Variants in MYO9B observed in about 807,000 individuals in gnomAD.
MYO9B encodes the protein myosin IXB, also known as unconventional myosin-IXb.
In MYO9B, 71 loss-of-function variants were observed where a neutral mutation model predicts 229.5. The ratio of observed to expected loss-of-function variants is 0.31; its 90% CI spans 0.26 to 0.38. The LOEUF (loss-of-function observed/expected upper bound fraction) is 0.38, where lower values mean the gene tolerates loss of function less well. MYO9B is among the 10% of genes least tolerant of loss of function. The pLI is 1.00. For missense variants in MYO9B, 2,255 were observed against 2,920.5 expected (o/e 0.77, Z 5.25); for synonymous variants, 1,185 against 1,235.8 (o/e 0.96, Z 0.86).
At chr19:17,188,092 G>A (rs1419472678) in intron 19 of MYO9B, 47 bp downstream of exon 19, 8 of 1,475,790 alleles carry the variant, frequency 5.4e-6, no homozygotes, top group Non-Finnish European at 7.4e-6. Flanking sequence ...CCGTGGCAAA[G>A]GCAATCACCC....
intron 2 of MYO9B, among the ~76,000 whole-genome samples, chr19:17,120,019 C>T (rs1312081340): frequency 6.6e-6 from 1 of 152,184 alleles, no homozygotes; most frequent in Non-Finnish European, 1.5e-5. Flanking sequence ...CAAAAATTAG[C>T]CAGGCGTGCT....
rs1318060849 is a variant in MYO9B at position 17,102,224 on chromosome 19, C to T, written c.507C>T (p.Arg169=). 1.9e-6 allele frequency: 3 copies of T among 1,582,446 alleles called. No individual in the cohort carries two copies. The highest frequency in any genetic ancestry group is 1.8e-5 in the Admixed American group (1 of 56,932). Residue 169 remains arginine (R), a synonymous_variant, in exon 2 of 40, where the codon CGC becomes CGT. Coordinates refer to ENST00000682292, the MANE Select transcript of MYO9B (RefSeq NM_004145.4). ...ACCTCCTGAAGAACCTCAAGCACCG[C>T]TTCCTGCAACAAAAGATCTACACGT... ...EGNLLKNLKH[R]FLQQKIYTYA... is the part of the protein sequence containing the mutation.
Position 17,197,856 on chromosome 19 carries a change from C to T in MYO9B, c.4111C>T (p.Gln1371Ter). The T allele has an allele frequency of 1.2e-6, 2 of 1,613,128 alleles. No individual in the cohort carries two copies. The highest frequency in any genetic ancestry group is 1.7e-6 in the Non-Finnish European group (2 of 1,179,868). The change falls in exon 23 of 40, where the codon CAG becomes TAG. Residue 1371 changes from glutamine to a stop codon, truncating the protein, a stop_gained and splice_region_variant. Transcript: ENST00000682292. LOFTEE classifies it high-confidence loss of function. ...GCTCCTCCCGTCCCTGGCCAAGGCT[C>T]AGGTAACAACAACACGGCAAAACCC... ...SKLLPSLAKA[Q>*]PAAETTDGER...
chr19:17,156,214 G>A (rs552900699), intron 6 of MYO9B, among the ~76,000 whole-genome samples: 1 of 152,066 alleles, frequency 6.6e-6, no homozygotes, highest in Non-Finnish European at 1.5e-5. Context: ...TGGTCTGGGG[G>A]CTAGTCAGAG....
intron 1 of MYO9B, among the ~76,000 whole-genome samples, chr19:17,096,792 GC>G (rs2057696965): frequency 1.4e-5 from 2 of 145,502 alleles, no homozygotes; most frequent in Non-Finnish European, 3.0e-5. Flanking sequence ...TGCAAGCTCC[GC>G]CTTCCGGGTT....
In MYO9B at chr19:17,211,940, G is replaced by GGCCCCCCCCC; in HGVS notation, c.6104_6105insGCCCCCCCCC (p.Ser2035ArgfsTer168). 1 of 1,183,084 alleles carries GGCCCCCCCCC rather than the reference G, an allele frequency of 8.5e-7. No homozygotes were observed. Among genetic ancestry groups the GGCCCCCCCCC allele is most frequent in the Non-Finnish European group, 1.1e-6 (1 of 884,834 alleles). The allele number at this position is 1,183,084 out of a possible 1,614,324, so 73.3% of individuals were successfully genotyped here. ...CCTTGCCCCGGCGCGCCCACCCCGA[G>GGCCCCCCCCC]CCCCCTCCCCACCGTGGCCGCCCCT... On this transcript the variant is annotated frameshift_variant, in exon 40 of 40. Transcript: ENST00000682292. LOFTEE classifies it low-confidence loss of function (END_TRUNC).
At chr19:17,083,026 C>CTT (rs71334657) in intron 1 of MYO9B, among the ~76,000 whole-genome samples, 2,851 of 90,722 alleles carry the variant, frequency 0.031, 183 homozygotes, top group African/African-American at 0.058. Flanking sequence ...GTGAATCTTG[C>CTT]TTTTTTTTTT....
intron 30 of MYO9B, 30 bp downstream of exon 30, chr19:17,203,288 C>T (rs1318692528): frequency 3.4e-6 from 5 of 1,486,142 alleles, no homozygotes; most frequent in African/African-American, 2.8e-5. Context: ...GGCCCCAAAA[C>T]CCTCCATGTC....
At chr19:17,116,844 CA>C (rs1368975924) in intron 2 of MYO9B, among the ~76,000 whole-genome samples, 1 of 152,116 alleles carries the variant, frequency 6.6e-6, no homozygotes. Flanking sequence ...AGGGGCACCC[CA>C]CCGCCACCCC....
rs778650957 is a variant in MYO9B at position 17,197,815 on chromosome 19, C to T, written c.4070C>T (p.Thr1357Met). 49 of 1,613,644 alleles carry T rather than the reference C, an allele frequency of 3.0e-5. No homozygotes were observed. The highest frequency in any genetic ancestry group is 1.2e-4 in the Admixed American group (7 of 59,980). ...PTEERRTSFS[T>M]SDVSKLLPSL... The stretch of plus-strand genomic sequence containing the variant: ...AGGGAGAGGCGCACCTCCTTCTCCA[C>T]GAGCGACGTCTCCAAGCTCCTCCCG... Residue 1357 changes from threonine (T) to methionine (M), a missense_variant, in exon 23 of 40, where the codon ACG becomes ATG. Physicochemically the swap from Thr to Met is moderately conservative, Grantham distance 81. Around this residue, in one of 7 missense-constraint regions of MYO9B, gnomAD observed 679 missense variants for 770.2 expected, o/e 0.88. Coordinates refer to ENST00000682292, the MANE Select transcript of MYO9B (RefSeq NM_004145.4).
In MYO9B at chr19:17,207,208, C is replaced by A; in HGVS notation, c.5588C>A (p.Pro1863Gln). 1 of 1,601,122 alleles carries A rather than the reference C, an allele frequency of 6.2e-7. No individual in the cohort carries two copies. The highest frequency in any genetic ancestry group is 8.5e-7 in the Non-Finnish European group (1 of 1,175,026). The stretch of plus-strand genomic sequence containing the variant: ...CTGCGCTGCCCTGACAACTCGGACC[C>A]GCTGACCAGCATGAAGGACGTCCTC... ...CLLRCPDNSD[P>Q]LTSMKDVLKI... Residue 1863 changes from proline to glutamine, a missense_variant, in exon 35 of 40, where the codon CCG becomes CAG. Pro to Gln is a moderately conservative substitution (Grantham distance 76). This residue lies in a region of MYO9B where 416 missense variants were observed against 605.5 expected (regional missense o/e 0.69). Transcript: ENST00000682292.
At chr19:17,198,344 G>C (rs767423788) in intron 24 of MYO9B, 36 bp downstream of exon 24, 2 of 1,610,238 alleles carry the variant, frequency 1.2e-6, no homozygotes, top group South Asian at 2.2e-5. Context: ...CAGGCCACCA[G>C]AGGATGCCCG....
intron 9 of MYO9B, 82 bp downstream of exon 9, chr19:17,162,548 A>C: frequency 8.2e-7 from 1 of 1,220,714 alleles, no homozygotes; most frequent in East Asian, 2.5e-5. Flanking sequence ...GGCGACCTGG[A>C]ACATCCGGAG....
chr19:17,206,226 ACC>A lies in MYO9B; in HGVS notation c.5258-20_5258-19del. 1.1e-5 allele frequency: 7 copies of A among 654,252 alleles called. No homozygotes were observed. The highest frequency in any genetic ancestry group is 1.5e-5 in the South Asian group (1 of 67,092). 40.5% of individuals were successfully genotyped at this position (654,252 alleles called of 1,614,324 possible). ...GTCCTGCCAGTGCGCCGCTCACCAG[ACC>A]CACCCCACCCACCCCACAGACCCCG... is the stretch of plus-strand genomic sequence containing the variant. On this transcript the variant is annotated intron_variant, in intron 32 of 39. Transcript: ENST00000682292.
chr19:17,191,323 C>A, intron 20 of MYO9B, 104 bp downstream of exon 20: 2 of 1,360,672 alleles, frequency 1.5e-6, no homozygotes, highest in Non-Finnish European at 2.0e-6. Flanking sequence ...ACATACAGGG[C>A]TCTGTCTAGG....
intron 6 of MYO9B, 47 bp downstream of exon 6, chr19:17,154,462 G>A (rs1456158497): frequency 6.9e-7 from 1 of 1,445,156 alleles, no homozygotes; most frequent in Non-Finnish European, 9.6e-7. Context: ...CCTACAGGGG[G>A]CACGCATGGC....
At chr19:17,173,292 CT>C (rs748043333) in intron 13 of MYO9B, among the ~76,000 whole-genome samples, 40 of 83,800 alleles carry the variant, frequency 4.8e-4, no homozygotes, top group South Asian at 1.9e-3. Context: ...CTGTCTTGCT[CT>C]TTTTTTTTTT....
chr19:17,173,838 C>G (rs1258953361), intron 13 of MYO9B, among the ~76,000 whole-genome samples: 3 of 152,052 alleles, frequency 2.0e-5, no homozygotes, highest in African/African-American at 7.2e-5. Context: ...GGTCTAAGGG[C>G]TCCAACCTTC....
intron 1 of MYO9B, among the ~76,000 whole-genome samples, chr19:17,086,288 C>T (rs1004879251): frequency 5.3e-5 from 8 of 152,208 alleles, no homozygotes; most frequent in Non-Finnish European, 1.0e-4. Flanking sequence ...CCACACTGGG[C>T]TCCTTGTTCT....
Sources: allele counts gnomAD v4.1 joint callset (sites outside exome capture counted in the v4.1 genomes callset), GRCh38; gene constraint gnomAD v4.1.1; regional missense constraint gnomAD v4.1.1; transcripts MANE v1.5; gene names NCBI Gene and HGNC (gene_info 2026-07-23, HGNC 2026-07-21).